The following NPSR1 variants were observed in gnomAD, a reference collection of about 807,000 sequenced individuals.
NPSR1 encodes neuropeptide S receptor.
Under a neutral mutation model 46.9 loss-of-function variants are expected in NPSR1, and 48 were observed. The observed-to-expected ratio is 1.02, with a 90% CI of 0.81 to 1.30. The LOEUF (loss-of-function observed/expected upper bound fraction) is 1.30. Ranked by LOEUF, NPSR1 falls within the 50% of genes most tolerant of loss-of-function variation. The pLI is 0.00. For missense variants in NPSR1, 450 were observed against 449.5 expected (o/e 1.00, Z -0.01); for synonymous variants, 176 against 168.1 (o/e 1.05, Z -0.36).
At chr7:34,734,067 G>A (rs1271003865) in intron 2 of NPSR1, among the ~76,000 whole-genome samples, 2 of 152,182 alleles carry the variant, frequency 1.3e-5, no homozygotes, top group East Asian at 3.9e-4. Flanking sequence ...GGACAGATGG[G>A]AAAGAAACCA....
intron 2 of NPSR1, among the ~76,000 whole-genome samples, chr7:34,742,169 TCC>T (rs1410262641): frequency 2.2e-5 from 3 of 137,018 alleles, no homozygotes; most frequent in African/African-American, 7.5e-5. Flanking sequence ...TCAATCTCTC[TCC>T]TTTTTTTTTT....
In NPSR1 at chr7:34,810,015, C is replaced by T. The variant is rs139454766; in HGVS notation, c.385-1755C>T. On this transcript the variant is annotated intron_variant, in intron 3 of 8. Transcript: ENST00000360581. ...ATTTCTAATCATTCCTCAGAACCTCCTCCCTATGGTGGCTTTCACAACATT... is the reference window on the plus strand; with the variant it reads ...ATTTCTAATCATTCCTCAGAACCTCTTCCCTATGGTGGCTTTCACAACATT... 1.1e-3 allele frequency among the ~76,000 whole-genome samples: 174 copies of T among 152,310 alleles called. 1 individual carries two copies. Among genetic ancestry groups the T allele is most frequent in the African/African-American group, 4.1e-3 (172 of 41,574 alleles).
At chr7:34,779,564 C>A in intron 3 of NPSR1, 1 of 1,241,636 alleles carries the variant, frequency 8.1e-7, no homozygotes, top group Non-Finnish European at 1.1e-6. Context: ...GAAGTTATTC[C>A]ATATTCAGAA....
At chr7:34,831,508 G>C (rs1020229813) in intron 5 of NPSR1, among the ~76,000 whole-genome samples, 1 of 152,104 alleles carries the variant, frequency 6.6e-6, no homozygotes, top group Non-Finnish European at 1.5e-5. Context: ...GAGAGAGAGA[G>C]AGGCAGTTGT....
At chr7:34,721,258 T>A (rs1241106680) in intron 2 of NPSR1, among the ~76,000 whole-genome samples, 5 of 152,002 alleles carry the variant, frequency 3.3e-5, no homozygotes, top group African/African-American at 1.2e-4. Context: ...TTCCAGAACG[T>A]CAAAGGAAAG....
chr7:34,834,000 G>A (rs1790245952), intron 5 of NPSR1, among the ~76,000 whole-genome samples: 1 of 152,134 alleles, frequency 6.6e-6, no homozygotes, highest in African/African-American at 2.4e-5. Context: ...CCAGAATCAG[G>A]GATCATAGAT....
chr7:34,861,678 A>C (rs1410965361), intron 8 of NPSR1, among the ~76,000 whole-genome samples: 2 of 151,882 alleles, frequency 1.3e-5, no homozygotes, highest in East Asian at 1.9e-4. Context: ...TTACACATGG[A>C]GGGGCAGAGG....
At chr7:34,721,811 G>T (rs1183000138) in intron 2 of NPSR1, among the ~76,000 whole-genome samples, 1 of 152,136 alleles carries the variant, frequency 6.6e-6, no homozygotes, top group Non-Finnish European at 1.5e-5. Context: ...CTTAAAAATA[G>T]TTAAAGGTGT....
At chr7:34,791,012 TATTA>T (rs1350229892) in intron 3 of NPSR1, among the ~76,000 whole-genome samples, 1 of 121,278 alleles carries the variant, frequency 8.2e-6, no homozygotes, top group Admixed American at 9.3e-5. Context: ...TTATATGTTA[TATTA>T]TATATGTTAT....
intron 2 of NPSR1, among the ~76,000 whole-genome samples, chr7:34,697,950 A>T (rs2128693915): frequency 6.6e-6 from 1 of 152,248 alleles, no homozygotes; most frequent in Non-Finnish European, 1.5e-5. Flanking sequence ...TTTTTAAATT[A>T]CCTATTTTAA....
At chr7:34,858,473 C>T (rs899815816) in intron 8 of NPSR1, among the ~76,000 whole-genome samples, 7 of 151,718 alleles carry the variant, frequency 4.6e-5, no homozygotes, top group South Asian at 2.1e-4. Flanking sequence ...ATATGAAATT[C>T]AAAACTAACC....
rs528559664 is a variant in NPSR1 at position 34,679,276 on chromosome 7, A to G, written c.148-5276A>G. ...ATTACAATGAATCAGTGTCATTATT[A>G]AAAATAGACTGTCAGTTTAAGTCAA... On this transcript the variant is annotated intron_variant, in intron 1 of 8. Transcript: ENST00000360581. Among the ~76,000 whole-genome samples the G allele has an allele frequency of 3.9e-5, 6 of 152,330 alleles. No homozygotes were observed. In the South Asian group the frequency reaches 1.2e-3, roughly 32 times the overall value.
intron 2 of NPSR1, chr7:34,751,787 A>C: frequency 6.3e-7 from 1 of 1,588,092 alleles, no homozygotes; most frequent in South Asian, 1.1e-5. Context: ...CAGCCCTGCC[A>C]TATCTGGGCA....
At chr7:34,832,622 G>A (rs139570489) in intron 5 of NPSR1, among the ~76,000 whole-genome samples, 2,826 of 152,214 alleles carry the variant, frequency 0.019, 59 homozygotes, top group South Asian at 0.1. Flanking sequence ...TTAGGTGTTC[G>A]CCATGCTAAC....
intron 1 of NPSR1, among the ~76,000 whole-genome samples, chr7:34,680,931 T>A (rs1036883925): frequency 6.8e-5 from 10 of 148,136 alleles, no homozygotes; most frequent in African/African-American, 2.3e-4. Context: ...CTTTCTGGTG[T>A]TGATAAAGGT....
At chr7:34,827,992 A>G (rs6953479) in intron 5 of NPSR1, among the ~76,000 whole-genome samples, 4 of 152,214 alleles carry the variant, frequency 2.6e-5, no homozygotes, top group African/African-American at 9.7e-5. Context: ...AAATCATACC[A>G]TATTATTTCT....
At chr7:34,772,738 C>A (rs1368645735) in intron 2 of NPSR1, among the ~76,000 whole-genome samples, 1 of 152,150 alleles carries the variant, frequency 6.6e-6, no homozygotes, top group Non-Finnish European at 1.5e-5. Flanking sequence ...GCTGAAGATG[C>A]TTAACATCCC....
At chr7:34,869,604 G>T (rs1367217748) in intron 8 of NPSR1, among the ~76,000 whole-genome samples, 1 of 151,568 alleles carries the variant, frequency 6.6e-6, no homozygotes, top group Non-Finnish European at 1.5e-5. Flanking sequence ...ATACCCTTGG[G>T]GCGAAAGTCT....
chr7:34,679,284 ACTGT>A (rs1792490912), intron 1 of NPSR1, among the ~76,000 whole-genome samples: 1 of 152,190 alleles, frequency 6.6e-6, no homozygotes, highest in South Asian at 2.1e-4. Context: ...TTAAAAATAG[ACTGT>A]CAGTTTAAGT....
Sources: gnomAD v4.1 joint callset for allele counts (sites outside exome capture counted in the v4.1 genomes callset) on GRCh38, gnomAD v4.1.1 for gene constraint, MANE v1.5 for transcripts, NCBI Gene and HGNC (gene_info 2026-07-23, HGNC 2026-07-21) for gene names.